Variants in SGPP2 observed in about 807,000 individuals in gnomAD.
SGPP2 encodes sphingosine-1-phosphate phosphatase 2.
In SGPP2, 30 loss-of-function variants were observed where a neutral mutation model predicts 33.9. The ratio of observed to expected loss-of-function variants is 0.89; its 90% CI spans 0.66 to 1.20. The LOEUF (loss-of-function observed/expected upper bound fraction) is 1.20. Ranked by LOEUF, SGPP2 falls within the 50% of genes most tolerant of loss-of-function variation. The probability of loss-of-function intolerance (pLI) is 0.00; values close to 1 mark genes in which losing one functional copy is unlikely to be tolerated. For synonymous variants in SGPP2, 233 were observed against 225.0 expected, an observed-to-expected ratio of 1.04 and a Z score of -0.32; for missense variants, 458 against 532.1, an observed-to-expected ratio of 0.86 and a Z score of 1.37.
rs767587618 is a variant in SGPP2, at chr2:222,528,131, T to A, written c.648+3098T>A. Among the ~76,000 whole-genome samples, 106 of 152,336 alleles carry A rather than the reference T, an allele frequency of 7.0e-4. 1 individual carries two copies. Among genetic ancestry groups the A allele is most frequent in the Middle Eastern group, 3.4e-3 (1 of 294 alleles). ...ATAATGGTTCTCAACCATAGCTGCA[T>A]ATTCAAACCCCATGGGAAGCTTCTA... is the stretch of plus-strand genomic sequence containing the variant. On this transcript the variant is annotated intron_variant, in intron 4 of 4. Coordinates refer to ENST00000321276, the MANE Select transcript of SGPP2 (RefSeq NM_152386.4).
chr2:222,548,166 A>G (rs1189954735), intron 4 of SGPP2, among the ~76,000 whole-genome samples: 1 of 152,230 alleles, frequency 6.6e-6, no homozygotes, highest in Non-Finnish European at 1.5e-5. Flanking sequence ...TGAGATCATT[A>G]ATCAATAGTA....
intron 1 of SGPP2, among the ~76,000 whole-genome samples, chr2:222,454,156 T>C (rs1161806952): frequency 6.6e-6 from 1 of 152,244 alleles, no homozygotes; most frequent in Non-Finnish European, 1.5e-5. Flanking sequence ...TTTTACTTCA[T>C]GATTTTTTTT....
intron 1 of SGPP2, among the ~76,000 whole-genome samples, chr2:222,448,152 T>C (rs759556892): frequency 5.9e-5 from 9 of 152,200 alleles, no homozygotes; most frequent in Non-Finnish European, 1.0e-4. Flanking sequence ...ATTTAGTGTC[T>C]GCATCTAAGT....
In SGPP2 at chr2:222,453,068, C is replaced by T. The variant is rs566940749; in HGVS notation, c.220-21500C>T. 9.3e-6 allele frequency: 12 copies of T among 1,290,230 alleles called. No homozygotes were observed. The African/African-American group carries it at 1.0e-4, about 11-fold the overall frequency. The allele number at this position is 1,290,230 out of a possible 1,614,324, so 79.9% of individuals were successfully genotyped here. A position where few individuals can be genotyped will look rare whatever the true frequency, so the allele number is the denominator to read the frequency against. The stretch of plus-strand genomic sequence containing the variant: ...CCTTCTTTTGTGGCGCTATTCTCTG[C>T]AGCAGTGGGTTGTTTGCCTTTGGGA... On this transcript the variant is annotated intron_variant, in intron 1 of 4. Transcript: ENST00000321276.
intron 2 of SGPP2, among the ~76,000 whole-genome samples, chr2:222,510,562 C>G (rs1304015779): frequency 6.6e-6 from 1 of 152,064 alleles, no homozygotes; most frequent in African/African-American, 2.4e-5. Flanking sequence ...TGCTATTTCT[C>G]CATGGTGGAG....
At chr2:222,434,917 A>G (rs1697211530) in intron 1 of SGPP2, among the ~76,000 whole-genome samples, 1 of 151,428 alleles carries the variant, frequency 6.6e-6, no homozygotes, top group African/African-American at 2.4e-5. Flanking sequence ...CCTCTGTTAG[A>G]AGTTGGTTTG....
chr2:222,538,628 G>A (rs1698949033), intron 4 of SGPP2, among the ~76,000 whole-genome samples: 1 of 152,320 alleles, frequency 6.6e-6, no homozygotes, highest in East Asian at 1.9e-4. Context: ...AAAGAAAAGA[G>A]GCTTAATTGC....
intron 2 of SGPP2, among the ~76,000 whole-genome samples, chr2:222,485,381 C>T (rs977820209): frequency 6.6e-6 from 1 of 152,184 alleles, no homozygotes; most frequent in African/African-American, 2.4e-5. Flanking sequence ...CCGCATTTGA[C>T]AGACTGAGTG....
intron 4 of SGPP2, among the ~76,000 whole-genome samples, chr2:222,533,722 C>A (rs976592467): frequency 2.6e-5 from 4 of 152,114 alleles, no homozygotes; most frequent in Non-Finnish European, 5.9e-5. Flanking sequence ...CCAAGCTTAT[C>A]TCTGCATGGT....
At chr2:222,506,872 A>G (rs1479760173) in intron 2 of SGPP2, among the ~76,000 whole-genome samples, 1 of 151,970 alleles carries the variant, frequency 6.6e-6, no homozygotes, top group Non-Finnish European at 1.5e-5. Flanking sequence ...AACTTAAAGT[A>G]TAATAAATAT....
chr2:222,518,249 A>AT, intron 2 of SGPP2, among the ~76,000 whole-genome samples: 1 of 152,350 alleles, frequency 6.6e-6, no homozygotes, highest in Admixed American at 6.5e-5. Context: ...AAAATGAATG[A>AT]TTTTCCTAAT....
At chr2:222,461,851 G>A (rs1697665669) in intron 1 of SGPP2, among the ~76,000 whole-genome samples, 1 of 152,042 alleles carries the variant, frequency 6.6e-6, no homozygotes, top group Admixed American at 6.5e-5. Flanking sequence ...CTGCTCTTAG[G>A]TTCTGTTCAT....
Position 222,465,038 on chromosome 2 carries a change from TG to T in SGPP2, c.220-9529del, listed in dbSNP as rs1244225236. ...TAAAAGACTACAACTGAAATTCCAC[TG>T]TAAAATGAAAGCCACATTGGGCTCA... On this transcript the variant is annotated intron_variant, in intron 1 of 4. Transcript: ENST00000321276. The surrounding 1 kb of genome is among the most constrained non-coding windows in gnomAD (Gnocchi z 4.1). 1.3e-5 allele frequency among the ~76,000 whole-genome samples: 2 copies of T among 152,212 alleles called. No individual in the cohort carries two copies. The highest frequency in any genetic ancestry group is 2.9e-5 in the Non-Finnish European group (2 of 68,040).
chr2:222,554,353 G>A (rs909511539), intron 4 of SGPP2, among the ~76,000 whole-genome samples: 2 of 152,168 alleles, frequency 1.3e-5, no homozygotes, highest in African/African-American at 4.8e-5. Context: ...CCACTGCGTG[G>A]CTATATCATA....
chr2:222,519,397 A>C (rs1242342096), intron 2 of SGPP2, among the ~76,000 whole-genome samples: 1 of 152,240 alleles, frequency 6.6e-6, no homozygotes, highest in African/African-American at 2.4e-5. Context: ...TTAAGTAAAT[A>C]TGTTGCTCTT....
At chr2:222,466,253 C>CTTTTTTTTTTTTTTTT (rs34005867) in intron 1 of SGPP2, among the ~76,000 whole-genome samples, 1 of 104,704 alleles carries the variant, frequency 9.6e-6, no homozygotes, top group Non-Finnish European at 1.9e-5. Context: ...CTGTTTTCAA[C>CTTTTTTTTTTTTTTTT]TTTTTTTTTT....
At chr2:222,434,975 T>TACACACACACACACACAC (rs71053082) in intron 1 of SGPP2, among the ~76,000 whole-genome samples, 1 of 146,008 alleles carries the variant, frequency 6.8e-6, no homozygotes, top group Non-Finnish European at 1.5e-5. Context: ...TGGAGATATA[T>TACACACACACACACACAC]ACACACACAC....
chr2:222,529,625 G>C (rs1311910918), intron 4 of SGPP2, among the ~76,000 whole-genome samples: 1 of 152,188 alleles, frequency 6.6e-6, no homozygotes, highest in Non-Finnish European at 1.5e-5. Flanking sequence ...ATGAGCCACT[G>C]CACCCAGCCT....
In SGPP2 at chr2:222,479,402, T is replaced by C. The variant is rs527398190; in HGVS notation, c.378+4676T>C. 2.3e-4 allele frequency among the ~76,000 whole-genome samples: 32 copies of C among 141,842 alleles called. No homozygotes were observed. The East Asian group carries it at 6.0e-3, about 27-fold the overall frequency. 93.1% of individuals were successfully genotyped at this position (141,842 alleles called of 152,430 possible). A position where few individuals can be genotyped will look rare whatever the true frequency, so the allele number is the denominator to read the frequency against. ...TGACTGTTTCTTATCTACCCTTCTT[T>C]TTTTTTTTTTTTTTTTTTGAGACAG... On this transcript the variant is annotated intron_variant, in intron 2 of 4. Coordinates refer to ENST00000321276, the MANE Select transcript of SGPP2 (RefSeq NM_152386.4).
Sources: allele counts gnomAD v4.1 joint callset (sites outside exome capture counted in the v4.1 genomes callset), GRCh38; gene constraint gnomAD v4.1.1; non-coding constraint Gnocchi (gnomAD v3.1); transcripts MANE v1.5; gene names NCBI Gene and HGNC (gene_info 2026-07-23, HGNC 2026-07-21).